TNFAIP8L3: variants seen among roughly 807,000 people sequenced by gnomAD.
TNFAIP8L3 encodes TNF alpha induced protein 8 like 3.
Under a neutral mutation model 11.8 loss-of-function variants are expected in TNFAIP8L3, and 7 were observed. That is an observed-to-expected ratio of 0.59 (90% CI 0.34 to 1.11). The LOEUF (loss-of-function observed/expected upper bound fraction) is 1.11, where lower values mean the gene tolerates loss of function less well. Among genes scored for constraint, TNFAIP8L3 ranks in the 50% most tolerant of loss-of-function variants. TNFAIP8L3 has a pLI of 0.03. For missense variants in TNFAIP8L3, 219 were observed against 258.6 expected, an observed-to-expected ratio of 0.85 and a Z score of 1.05; for synonymous variants, 98 against 103.8, an observed-to-expected ratio of 0.94 and a Z score of 0.34.
At chr15:51,105,038 A>C (rs1460957594) in exon 1 of TNFAIP8L3, 2 of 1,614,152 alleles carry the variant, frequency 1.2e-6, no homozygotes, top group Non-Finnish European at 1.7e-6. Context: ...TGAAAAGATA[A>C]GGGGATGAGT....
At chr15:51,088,909 C>G (rs1211076163) in intron 1 of TNFAIP8L3, among the ~76,000 whole-genome samples, 1 of 152,172 alleles carries the variant, frequency 6.6e-6, no homozygotes, top group East Asian at 1.9e-4. Context: ...ATTCCTAGTT[C>G]CTTGAAATGA....
chr15:51,104,735 C>T (rs978454926), intron 1 of TNFAIP8L3, among the ~76,000 whole-genome samples: 1 of 152,220 alleles, frequency 6.6e-6, no homozygotes, highest in African/African-American at 2.4e-5. Flanking sequence ...GCCAGCGTGC[C>T]CTTGTGTTCC....
intron 1 of TNFAIP8L3, among the ~76,000 whole-genome samples, chr15:51,073,853 A>G (rs2065330666): frequency 6.6e-6 from 1 of 152,188 alleles, no homozygotes; most frequent in African/African-American, 2.4e-5. Flanking sequence ...CTATTTTGCT[A>G]AGGCATTGTT....
chr15:51,102,655 G>C (rs1158389665), intron 1 of TNFAIP8L3, among the ~76,000 whole-genome samples: 4 of 152,136 alleles, frequency 2.6e-5, no homozygotes, highest in African/African-American at 9.7e-5. Context: ...AGGTGAAGTG[G>C]TTTGCCCAGA....
chr15:51,096,946 T>C (rs1248240432), upstream of TNFAIP8L3, among the ~76,000 whole-genome samples: 2 of 140,388 alleles, frequency 1.4e-5, no homozygotes, highest in Non-Finnish European at 3.1e-5. Flanking sequence ...AAAATTTGGA[T>C]ACAAGATGAT....
intron 1 of TNFAIP8L3, among the ~76,000 whole-genome samples, chr15:51,067,885 A>G (rs973368499): frequency 3.9e-5 from 6 of 152,346 alleles, no homozygotes; most frequent in Admixed American, 1.3e-4. Flanking sequence ...CTTCCTCTTG[A>G]CAAGAGCTTT....
chr15:51,058,148 G>C lies in TNFAIP8L3; in HGVS notation c.348C>G (p.Ala116=), dbSNP rs1315544459. The C allele has an allele frequency of 1.9e-6, 3 of 1,614,248 alleles. No individual in the cohort carries two copies. The highest frequency in any genetic ancestry group is 1.7e-5 in the Admixed American group (1 of 60,030). The change falls in exon 2 of 2, where the codon GCC becomes GCG. Residue 116 remains alanine (A), a synonymous_variant. Coordinates refer to ENST00000637513, the MANE Select transcript of TNFAIP8L3 (RefSeq NM_001311175.2). ...CCTCATAGAAGCTGACAATGGTCATGGCGGTCTGGTTCAGCTTCTTCCGGA... is the reference window on the plus strand; with the variant it reads ...CCTCATAGAAGCTGACAATGGTCATCGCGGTCTGGTTCAGCTTCTTCCGGA... ...EKFRKKLNQT[A]MTIVSFYEVE... is the part of the protein sequence containing the mutation.
intron 1 of TNFAIP8L3, among the ~76,000 whole-genome samples, chr15:51,084,607 G>A (rs2065414152): frequency 6.6e-6 from 1 of 152,172 alleles, no homozygotes; most frequent in African/African-American, 2.4e-5. Context: ...ACTGTTCTAT[G>A]ATTTCACAGT....
At chr15:51,081,324 G>C (rs2065390447) in intron 1 of TNFAIP8L3, among the ~76,000 whole-genome samples, 1 of 152,156 alleles carries the variant, frequency 6.6e-6, no homozygotes, top group African/African-American at 2.4e-5. Context: ...AGATGGGTAG[G>C]GCCCATGGGG....
rs571658684 is a variant in TNFAIP8L3, at chr15:51,071,340, G to A, written c.53-12897C>T. Among the ~76,000 whole-genome samples the A allele has an allele frequency of 2.0e-5, 3 of 152,292 alleles. 1 individual carries two copies. The Middle Eastern group carries it at 0.01, about 518-fold the overall frequency. ...AATAGTTTACCCTCAAAGACAGGGA[G>A]AGGTAAAGCCCTCTTTGCTTTCAAC... On this transcript the variant is annotated intron_variant, in intron 1 of 1. Transcript: ENST00000637513.
intron 1 of TNFAIP8L3, among the ~76,000 whole-genome samples, chr15:51,080,643 T>C (rs1038793450): frequency 1.3e-5 from 2 of 152,232 alleles, no homozygotes; most frequent in Non-Finnish European, 2.9e-5. Context: ...CAAACCGCCT[T>C]AAAGAGCCAC....
chr15:51,075,773 G>A lies in TNFAIP8L3; in HGVS notation c.53-17330C>T, dbSNP rs114805868. On this transcript the variant is annotated intron_variant, in intron 1 of 1. Transcript: ENST00000637513. ...CAAAACAATAAAATGGAACAAACTC[G>A]TCTATCTTGGAAAAAAGAAACAAAA... is the stretch of plus-strand genomic sequence containing the variant. Among the ~76,000 whole-genome samples the A allele has an allele frequency of 4.6e-3, 702 of 152,324 alleles. 7 individuals carry two copies. The highest frequency in any genetic ancestry group is 0.016 in the African/African-American group (655 of 41,554).
intron 1 of TNFAIP8L3, among the ~76,000 whole-genome samples, chr15:51,086,894 CTT>C (rs771443209): frequency 9.6e-5 from 14 of 145,694 alleles, no homozygotes; most frequent in Admixed American, 1.4e-4. Context: ...GCTACAACTT[CTT>C]TTTTTTTTTT....
chr15:51,075,521 T>C (rs1473114378), intron 1 of TNFAIP8L3, among the ~76,000 whole-genome samples: 2 of 152,140 alleles, frequency 1.3e-5, no homozygotes, highest in African/African-American at 4.8e-5. Flanking sequence ...CAATCCTCTC[T>C]CTCTCTGCTG....
At chr15:51,093,838 C>T (rs1375820192) in intron 1 of TNFAIP8L3, among the ~76,000 whole-genome samples, 1 of 152,122 alleles carries the variant, frequency 6.6e-6, no homozygotes, top group Non-Finnish European at 1.5e-5. Context: ...GGAGGACATT[C>T]ATTTTTTTTC....
Position 51,094,441 on chromosome 15 carries a change from A to G in TNFAIP8L3, c.52+103T>C. 7.9e-7 allele frequency: 1 copy of G among 1,264,354 alleles called. No individual in the cohort carries two copies. Among genetic ancestry groups the G allele is most frequent in the Non-Finnish European group, 1.0e-6 (1 of 985,992 alleles). The allele number at this position is 1,264,354 out of a possible 1,614,324, so 78.3% of individuals were successfully genotyped here. A position where few individuals can be genotyped will look rare whatever the true frequency, so the allele number is the denominator to read the frequency against. ...GGAGCAATCCCCAGTCTTGGCCTGG[A>G]AGGGGTCGGGCTGCTGAGGATCGGC... On this transcript the variant is annotated intron_variant, in intron 1 of 1. Coordinates refer to ENST00000637513, the MANE Select transcript of TNFAIP8L3 (RefSeq NM_001311175.2). The surrounding 1 kb of genome is among the most constrained non-coding windows in gnomAD (Gnocchi z 4.4).
intron 1 of TNFAIP8L3, among the ~76,000 whole-genome samples, chr15:51,083,934 G>A (rs887362178): frequency 6.6e-6 from 1 of 152,266 alleles, no homozygotes. Flanking sequence ...GCAGGAGGAT[G>A]AGCTGGGGAA....
At chr15:51,067,111 C>G in intron 1 of TNFAIP8L3, among the ~76,000 whole-genome samples, 1 of 152,146 alleles carries the variant, frequency 6.6e-6, no homozygotes, top group East Asian at 1.9e-4. Flanking sequence ...GGTCCAATTC[C>G]TTTCATACGT....
intron 1 of TNFAIP8L3, among the ~76,000 whole-genome samples, chr15:51,087,613 A>G (rs1201555851): frequency 1.3e-5 from 2 of 152,150 alleles, no homozygotes; most frequent in South Asian, 2.1e-4. Context: ...TGGTTTTTCA[A>G]TAGTTTAAAG....
Sources: gnomAD v4.1 joint callset for allele counts (sites outside exome capture counted in the v4.1 genomes callset) on GRCh38, gnomAD v4.1.1 for gene constraint, Gnocchi (gnomAD v3.1) non-coding constraint, MANE v1.5 for transcripts, NCBI Gene and HGNC (gene_info 2026-07-23, HGNC 2026-07-21) for gene names.